The following DGKB variants were observed in gnomAD, a reference collection of about 807,000 sequenced individuals.
The protein encoded by DGKB is 90 kDa diacylglycerol kinase.
A neutral mutation model predicts 114.3 loss-of-function variants in DGKB; 67 were observed. The observed-to-expected ratio is 0.59, with a 90% CI of 0.48 to 0.72. The LOEUF is 0.72. DGKB is among the 30% of genes least tolerant of loss of function. The pLI is 0.00. For synonymous variants in DGKB, 398 were observed against 323.1 expected (o/e 1.23, Z -2.49); for missense variants, 907 against 975.2 (o/e 0.93, Z 0.93).
intron 2 of DGKB, among the ~76,000 whole-genome samples, chr7:14,785,440 T>C (rs1265211886): frequency 6.6e-6 from 1 of 152,156 alleles, no homozygotes; most frequent in Non-Finnish European, 1.5e-5. Context: ...TGTATACATG[T>C]ATGTATATAC....
At chr7:14,413,872 C>T (rs1223840217) in intron 21 of DGKB, among the ~76,000 whole-genome samples, 1 of 152,036 alleles carries the variant, frequency 6.6e-6, no homozygotes, top group Non-Finnish European at 1.5e-5. Context: ...GGATATTCAC[C>T]AGAAAGACAT....
intron 21 of DGKB, among the ~76,000 whole-genome samples, chr7:14,365,268 A>G (rs1816471823): frequency 6.6e-6 from 1 of 152,072 alleles, no homozygotes. Flanking sequence ...GAGGAAGCCA[A>G]GTCTTAATGC....
chr7:14,728,857 C>T (rs1371084376), intron 5 of DGKB, among the ~76,000 whole-genome samples: 1 of 151,928 alleles, frequency 6.6e-6, no homozygotes, highest in Non-Finnish European at 1.5e-5. Flanking sequence ...TGTGCACCAC[C>T]ACGCCCAGCT....
At chr7:14,652,935 C>T (rs1937112933) in intron 13 of DGKB, among the ~76,000 whole-genome samples, 1 of 151,646 alleles carries the variant, frequency 6.6e-6, no homozygotes, top group African/African-American at 2.4e-5. Flanking sequence ...CAGAGAAATG[C>T]AAATCAAAAC....
intron 1 of DGKB, among the ~76,000 whole-genome samples, chr7:14,934,806 T>C (rs191251677): frequency 5.1e-4 from 78 of 152,320 alleles, no homozygotes; most frequent in African/African-American, 1.8e-3. Flanking sequence ...TAACTTGATT[T>C]AAAACTCCAT....
chr7:14,152,799 G>A lies in DGKB; in HGVS notation c.2305-3561C>T, dbSNP rs368845146. Reference sequence around the variant, plus strand: ...ATTTTTAAGGTTGCATAGTTTGATAGTTGTGATAGTTCCACCTCATAGTTG... The same window carrying A: ...ATTTTTAAGGTTGCATAGTTTGATAATTGTGATAGTTCCACCTCATAGTTG... On this transcript the variant is annotated intron_variant, in intron 25 of 25. Coordinates refer to ENST00000402815, the MANE Select transcript of DGKB (RefSeq NM_001350709.2). Among the ~76,000 whole-genome samples, 61 of 152,158 alleles carry A rather than the reference G, an allele frequency of 4.0e-4. No individual in the cohort carries two copies. The East Asian group carries it at 0.011, about 27-fold the overall frequency.
intron 20 of DGKB, among the ~76,000 whole-genome samples, chr7:14,486,051 C>G (rs774788393): frequency 5.7e-4 from 86 of 152,022 alleles, no homozygotes; most frequent in Non-Finnish European, 9.7e-4. Flanking sequence ...CTTTACAATC[C>G]ACTTCATTCT....
chr7:14,615,327 T>G (rs542248549), intron 15 of DGKB, among the ~76,000 whole-genome samples: 1 of 152,064 alleles, frequency 6.6e-6, no homozygotes, highest in East Asian at 1.9e-4. Context: ...AAATTCATGC[T>G]GAGTCCAATA....
intron 21 of DGKB, among the ~76,000 whole-genome samples, chr7:14,379,242 C>T (rs1225787226): frequency 6.6e-6 from 1 of 151,936 alleles, no homozygotes; most frequent in Non-Finnish European, 1.5e-5. Flanking sequence ...GTTTTGAAAC[C>T]CTCTTTAAAT....
rs111429088 is a variant in DGKB, at chr7:14,886,590, T to C, written c.-188+16002A>G. On this transcript the variant is annotated intron_variant, in intron 1 of 25. Transcript: ENST00000402815. ...TATACTAATTTCAGACTATCACAAG[T>C]CTTGTCAATTTCACTTCATAAATAT... 2.3e-3 allele frequency among the ~76,000 whole-genome samples: 342 copies of C among 151,944 alleles called. 1 individual carries two copies. The highest frequency in any genetic ancestry group is 8.0e-3 in the African/African-American group (332 of 41,484).
intron 25 of DGKB, among the ~76,000 whole-genome samples, chr7:14,169,909 T>A: frequency 6.6e-6 from 1 of 151,354 alleles, no homozygotes; most frequent in East Asian, 1.9e-4. Context: ...CCAAGGTGGG[T>A]GGATCACCTG....
intron 1 of DGKB, among the ~76,000 whole-genome samples, chr7:14,850,424 A>G (rs753892718): frequency 6.6e-6 from 1 of 152,284 alleles, no homozygotes; most frequent in Non-Finnish European, 1.5e-5. Flanking sequence ...AAACTTCAGG[A>G]GAGAGAAGCT....
intron 1 of DGKB, among the ~76,000 whole-genome samples, chr7:14,933,770 G>A (rs758822217): frequency 6.6e-6 from 1 of 152,030 alleles, no homozygotes; most frequent in Non-Finnish European, 1.5e-5. Flanking sequence ...TCTCTTTTAT[G>A]TTTTGCTGCT....
At chr7:14,632,750 G>A (rs998375077) in intron 13 of DGKB, among the ~76,000 whole-genome samples, 1 of 151,780 alleles carries the variant, frequency 6.6e-6, no homozygotes, top group African/African-American at 2.4e-5. Context: ...AGTAAATAGA[G>A]GTAAGTTTCT....
intron 25 of DGKB, among the ~76,000 whole-genome samples, chr7:14,150,462 T>C (rs141239223): frequency 6.6e-6 from 1 of 152,230 alleles, no homozygotes; most frequent in African/African-American, 2.4e-5. Context: ...AAATGGAAAT[T>C]TACTTCACAG....
chr7:14,542,474 A>G (rs934458342), intron 20 of DGKB, among the ~76,000 whole-genome samples: 4 of 151,566 alleles, frequency 2.6e-5, no homozygotes, highest in Admixed American at 2.0e-4. Context: ...AAACTCTCAC[A>G]CATTAGATTT....
At chr7:14,189,507 C>G (rs1783999481) in intron 23 of DGKB, among the ~76,000 whole-genome samples, 2 of 151,934 alleles carry the variant, frequency 1.3e-5, no homozygotes, top group Non-Finnish European at 2.9e-5. Flanking sequence ...AATAAGGAAT[C>G]TACAAGATAA....
chr7:14,741,072 C>T (rs1032341002), intron 4 of DGKB, among the ~76,000 whole-genome samples: 2 of 152,068 alleles, frequency 1.3e-5, no homozygotes, highest in Non-Finnish European at 2.9e-5. Flanking sequence ...CCTTCTTTGT[C>T]CCCCTTGGTC....
At chr7:14,360,430 T>A (rs1041220847) in intron 21 of DGKB, among the ~76,000 whole-genome samples, 3 of 150,346 alleles carry the variant, frequency 2.0e-5, no homozygotes, top group Admixed American at 2.0e-4. Context: ...GTTGTGCACA[T>A]GTACCCTAGA....
Sources: allele counts gnomAD v4.1 joint callset (sites outside exome capture counted in the v4.1 genomes callset), GRCh38; gene constraint gnomAD v4.1.1; transcripts MANE v1.5; gene names NCBI Gene and HGNC (gene_info 2026-07-23, HGNC 2026-07-21).